Variants in NELL2 observed in about 807,000 individuals in gnomAD.
NELL2 encodes the protein neural EGFL like 2.
Under a neutral mutation model 109.6 loss-of-function variants are expected in NELL2, and 41 were observed. The observed-to-expected ratio is 0.37, with a 90% confidence interval of 0.29 to 0.49. The LOEUF is 0.49. Ranked by LOEUF, NELL2 falls within the 20% of genes least tolerant of loss-of-function variation. The pLI, the probability that NELL2 is intolerant of heterozygous loss-of-function variation, is 0.98. For missense variants in NELL2, 900 were observed against 1,008.3 expected (o/e 0.89, Z 1.45); for synonymous variants, 355 against 344.7 (o/e 1.03, Z -0.33).
rs151172169 is a variant in NELL2 at position 44,747,647 on chromosome 12, C to G, written c.994+27100G>C. On this transcript the variant is annotated intron_variant, in intron 9 of 19. Transcript: ENST00000429094. ...CATCCCTGACCTCCACACTGTTTAACGGTCAACTGTAGAAGTAGATTATCA... is the reference window on the plus strand; with the variant it reads ...CATCCCTGACCTCCACACTGTTTAAGGGTCAACTGTAGAAGTAGATTATCA... Among the ~76,000 whole-genome samples the G allele has an allele frequency of 2.4e-3, 371 of 152,074 alleles. 2 individuals are homozygous for G. The highest frequency in any genetic ancestry group is 8.6e-3 in the African/African-American group (355 of 41,492).
rs758684454 is a variant in NELL2, at chr12:44,610,898, T to C, written c.1517A>G (p.His506Arg). The change falls in exon 14 of 20, where the codon CAC becomes CGC. Residue 506 changes from histidine to arginine, a missense_variant. His to Arg is a conservative substitution (Grantham distance 29, BLOSUM62 0). This residue lies in a region of NELL2 where 333 missense variants were observed against 432.3 expected (regional missense o/e 0.77). Coordinates refer to ENST00000429094, the MANE Select transcript of NELL2 (RefSeq NM_001145108.2). ...NALCFNTVGG[H>R]NCVCKPGYTG... ...ATAGCCCGGCTTGCAAACACAGTTG[T>C]GTCCTCCAACAGTGTTGAAGCATAA... 2 of 1,613,214 alleles carry C rather than the reference T, an allele frequency of 1.2e-6. No individual in the cohort carries two copies.
At chr12:44,807,330 T>TACACAC (rs3038988) in intron 3 of NELL2, among the ~76,000 whole-genome samples, 131 of 148,906 alleles carry the variant, frequency 8.8e-4, no homozygotes, top group Non-Finnish European at 1.0e-3. Flanking sequence ...TTTTGCTCTT[T>TACACAC]ACACACACAC....
rs776859828 is a variant in NELL2, at chr12:44,774,800, G to A, written c.941C>T (p.Pro314Leu). 1 of 1,614,094 alleles carries A rather than the reference G, an allele frequency of 6.2e-7. No individual in the cohort carries two copies. The highest frequency in any genetic ancestry group is 1.1e-5 in the South Asian group (1 of 91,074). ...ETLICPNPDC[P>L]LKSALAYVDG... is the part of the protein sequence containing the mutation. Reference sequence around the variant, plus strand: ...CACATACGCAAGAGCCGACTTAAGTGGGCAGTCAGGATTTGGGCAGATTAG... The same window carrying A: ...CACATACGCAAGAGCCGACTTAAGTAGGCAGTCAGGATTTGGGCAGATTAG... The change falls in exon 9 of 20, where the codon CCA (proline) becomes CTA (leucine). Residue 314 changes from proline to leucine, a missense_variant. Pro to Leu is a moderately conservative substitution (Grantham distance 98). Transcript: ENST00000429094.
rs763908406 is a variant in NELL2, at chr12:44,677,770, G to A, written c.1319-12161C>T. Among the ~76,000 whole-genome samples the A allele has an allele frequency of 7.9e-5, 12 of 152,142 alleles. No homozygotes were observed. The East Asian group carries it at 1.4e-3, about 17-fold the overall frequency. On this transcript the variant is annotated intron_variant, in intron 12 of 19. Coordinates refer to ENST00000429094, the MANE Select transcript of NELL2 (RefSeq NM_001145108.2). ...CACTGACTGGATGTCTGAAGATTAGGGAGGGATGCTCTCAAAGATAATATC... is the reference window on the plus strand; with the variant it reads ...CACTGACTGGATGTCTGAAGATTAGAGAGGGATGCTCTCAAAGATAATATC...
chr12:44,536,821 A>G (rs1223154355), intron 15 of NELL2, among the ~76,000 whole-genome samples: 1 of 152,004 alleles, frequency 6.6e-6, no homozygotes, highest in African/African-American at 2.4e-5. Flanking sequence ...AAAAGCACAG[A>G]GAATCTAAAA....
In NELL2 at chr12:44,753,654, G is replaced by T. The variant is rs11182638; in HGVS notation, c.994+21093C>A. ...AGGGAATAATAATCCTCACCTCATA[G>T]GACTATTCTAGGGATTTAATGAGGT... On this transcript the variant is annotated intron_variant, in intron 9 of 19. Transcript: ENST00000429094. 1.8e-3 allele frequency among the ~76,000 whole-genome samples: 273 copies of T among 152,084 alleles called. 6 individuals are homozygous for T. In the East Asian group the frequency reaches 0.032, roughly 18 times the overall value.
chr12:44,875,038 G>A, intron 2 of NELL2, 187 bp downstream of exon 2: 2 of 680,276 alleles, frequency 2.9e-6, no homozygotes, highest in Non-Finnish European at 4.7e-6. Flanking sequence ...GAAGGAGAAG[G>A]GTGAGGCAGG....
At chr12:44,838,962 C>T (rs1337396518) in intron 2 of NELL2, among the ~76,000 whole-genome samples, 1 of 152,128 alleles carries the variant, frequency 6.6e-6, no homozygotes, top group Non-Finnish European at 1.5e-5. Context: ...GGTCTAGAAG[C>T]CTAGCTTCAG....
chr12:44,816,196 T>C (rs1943343730), intron 2 of NELL2, 60 bp from the exon 3 acceptor site: 1 of 1,401,598 alleles, frequency 7.1e-7, no homozygotes, highest in Non-Finnish European at 9.6e-7. Context: ...AAGTATCTTT[T>C]ACATGTAACA....
intron 9 of NELL2, among the ~76,000 whole-genome samples, chr12:44,728,829 T>C (rs2136468384): frequency 6.6e-6 from 1 of 152,218 alleles, no homozygotes; most frequent in South Asian, 2.1e-4. Flanking sequence ...CAATGACGTA[T>C]TTAAAGTGTT....
At chr12:44,832,011 T>TA (rs1349260067) in intron 2 of NELL2, among the ~76,000 whole-genome samples, 1 of 152,236 alleles carries the variant, frequency 6.6e-6, no homozygotes, top group East Asian at 1.9e-4. Flanking sequence ...TCTCATTCTG[T>TA]AAAATGAGGA....
intron 1 of NELL2, among the ~76,000 whole-genome samples, chr12:44,898,864 G>C (rs551107139): frequency 2.0e-5 from 3 of 152,110 alleles, no homozygotes; most frequent in South Asian, 2.1e-4. Flanking sequence ...CCTTGATAAA[G>C]GGTTAGAGGA....
chr12:44,629,088 T>C (rs944678948), intron 13 of NELL2, among the ~76,000 whole-genome samples: 4 of 152,294 alleles, frequency 2.6e-5, no homozygotes, highest in African/African-American at 9.6e-5. Context: ...AGGAGTCAAA[T>C]AATATAAATC....
At chr12:44,619,322 G>C (rs1003098227) in intron 13 of NELL2, among the ~76,000 whole-genome samples, 4 of 152,128 alleles carry the variant, frequency 2.6e-5, no homozygotes, top group African/African-American at 9.7e-5. Flanking sequence ...GTAGCGTCCA[G>C]ACTACAACAG....
intron 15 of NELL2, among the ~76,000 whole-genome samples, chr12:44,576,824 C>T (rs1944105185): frequency 6.6e-6 from 1 of 151,590 alleles, no homozygotes; most frequent in Admixed American, 6.6e-5. Context: ...CGATAGTTTA[C>T]TGAGAATGAT....
At chr12:44,774,675 G>C (rs1005829194) in intron 9 of NELL2, 72 bp downstream of exon 9, 5 of 1,223,372 alleles carry the variant, frequency 4.1e-6, no homozygotes, top group Non-Finnish European at 2.4e-6. Flanking sequence ...TTAAACCAAT[G>C]ATGGGTGAAT....
chr12:44,791,085 A>ATATATATATGTATATATATATATACG (rs1566403431), intron 3 of NELL2, among the ~76,000 whole-genome samples: 5 of 16,854 alleles, frequency 3.0e-4, no homozygotes, highest in African/African-American at 8.0e-4. Context: ...ATATATACAT[A>ATATATATATGTATATATATATATACG]TATATATATA....
intron 9 of NELL2, among the ~76,000 whole-genome samples, chr12:44,739,324 C>A (rs780664024): frequency 1.3e-5 from 2 of 152,142 alleles, no homozygotes; most frequent in Admixed American, 6.6e-5. Flanking sequence ...AAATTACTAT[C>A]TATACATCTA....
intron 11 of NELL2, among the ~76,000 whole-genome samples, chr12:44,705,304 G>T (rs1937809042): frequency 6.6e-6 from 1 of 151,832 alleles, no homozygotes; most frequent in African/African-American, 2.4e-5. Context: ...CATTAAAAAA[G>T]AATAGAAAAA....
Sources: allele counts gnomAD v4.1 joint callset (sites outside exome capture counted in the v4.1 genomes callset), GRCh38; gene constraint gnomAD v4.1.1; regional missense constraint gnomAD v4.1.1; transcripts MANE v1.5; gene names NCBI Gene and HGNC (gene_info 2026-07-23, HGNC 2026-07-21).